The following MECOM variants were observed in gnomAD, a reference collection of about 807,000 sequenced individuals.
MECOM encodes histone-lysine N-methyltransferase MECOM.
MECOM carries 13 observed loss-of-function variants against 116.3 expected under a neutral mutation model. That is an observed-to-expected ratio of 0.11 (90% confidence interval 0.07 to 0.18). MECOM has a LOEUF of 0.18. MECOM is among the 10% of genes least tolerant of loss of function. The pLI is 1.00. For missense variants in MECOM, 1,299 were observed against 1,509.0 expected (o/e 0.86, Z 2.31); for synonymous variants, 528 against 535.2 (o/e 0.99, Z 0.19).
intron 1 of MECOM, among the ~76,000 whole-genome samples, chr3:169,578,666 G>C (rs115045159): frequency 0.015 from 2,224 of 152,210 alleles, 48 homozygotes; most frequent in African/African-American, 0.042. Context: ...ATTATTTATA[G>C]TAATTGCATG....
chr3:169,313,618 G>A (rs557519448), intron 2 of MECOM, among the ~76,000 whole-genome samples: 3 of 152,348 alleles, frequency 2.0e-5, no homozygotes, highest in South Asian at 2.1e-4. Context: ...AGGCTTGGTT[G>A]ATTTGGTGAT....
Position 169,173,503 on chromosome 3 carries a change from A to G in MECOM, c.376-29671T>C, listed in dbSNP as rs143374847. Among the ~76,000 whole-genome samples the G allele has an allele frequency of 9.1e-4, 139 of 152,156 alleles. 1 individual carries two copies. The East Asian group carries it at 0.024, about 26-fold the overall frequency. On this transcript the variant is annotated intron_variant, in intron 2 of 16. Transcript: ENST00000651503. ...GAGGCATCTTAAATTCAGTCTGGCA[A>G]CTCTGAAAACATTTTGTGTTCACTC...
intron 1 of MECOM, among the ~76,000 whole-genome samples, chr3:169,592,306 G>A (rs1417970948): frequency 6.6e-6 from 1 of 152,216 alleles, no homozygotes; most frequent in Non-Finnish European, 1.5e-5. Flanking sequence ...AAAGACGGAT[G>A]TGGCTGCCTC....
intron 2 of MECOM, among the ~76,000 whole-genome samples, chr3:169,214,457 G>GA (rs1157005878): frequency 6.6e-6 from 1 of 151,100 alleles, no homozygotes; most frequent in Non-Finnish European, 1.5e-5. Flanking sequence ...CTCATTCTAG[G>GA]AAACTCCATT....
At chr3:169,401,186 C>G (rs1735833378) in intron 1 of MECOM, among the ~76,000 whole-genome samples, 1 of 152,160 alleles carries the variant, frequency 6.6e-6, no homozygotes, top group Non-Finnish European at 1.5e-5. Context: ...CCAGACAGCA[C>G]GTGATGCTCA....
At chr3:169,342,386 A>G (rs1577783542) in intron 2 of MECOM, among the ~76,000 whole-genome samples, 1 of 152,188 alleles carries the variant, frequency 6.6e-6, no homozygotes, top group East Asian at 1.9e-4. Flanking sequence ...TATTAATAAT[A>G]ATAGTATATC....
intron 1 of MECOM, among the ~76,000 whole-genome samples, chr3:169,599,215 T>G (rs1046529482): frequency 6.6e-6 from 1 of 152,144 alleles, no homozygotes; most frequent in Admixed American, 6.5e-5. Context: ...CAGTTTAAAG[T>G]GTGTCCCCTT....
intron 1 of MECOM, among the ~76,000 whole-genome samples, chr3:169,656,596 G>T (rs1288646619): frequency 1.3e-5 from 2 of 152,060 alleles, no homozygotes; most frequent in African/African-American, 2.4e-5. Flanking sequence ...TTTTAATCAT[G>T]GCTATTATTT....
At chr3:169,344,501 T>C (rs1725042051) in intron 2 of MECOM, among the ~76,000 whole-genome samples, 1 of 152,152 alleles carries the variant, frequency 6.6e-6, no homozygotes, top group African/African-American at 2.4e-5. Context: ...GTGAAAGCCC[T>C]GAGTGTCAAG....
chr3:169,243,678 G>C (rs1755179367), intron 2 of MECOM, among the ~76,000 whole-genome samples: 1 of 152,050 alleles, frequency 6.6e-6, no homozygotes, highest in South Asian at 2.1e-4. Flanking sequence ...GAGCGTTTGA[G>C]TCCCAGACAG....
chr3:169,643,111 T>G (rs768127252), intron 1 of MECOM, among the ~76,000 whole-genome samples: 4 of 152,248 alleles, frequency 2.6e-5, no homozygotes, highest in Non-Finnish European at 5.9e-5. Flanking sequence ...GTGTTTAAAT[T>G]ACCAAATCAT....
chr3:169,244,439 C>T (rs1755307999), intron 2 of MECOM, among the ~76,000 whole-genome samples: 1 of 152,176 alleles, frequency 6.6e-6, no homozygotes, highest in South Asian at 2.1e-4. Flanking sequence ...CCCACTGTGC[C>T]TACCTGTCCC....
At chr3:169,523,136 A>G (rs1465827426) in intron 1 of MECOM, among the ~76,000 whole-genome samples, 1 of 150,182 alleles carries the variant, frequency 6.7e-6, no homozygotes, top group African/African-American at 2.5e-5. Flanking sequence ...GTGATGATGA[A>G]TATATTAAGT....
At chr3:169,480,902 G>C (rs1343901001) in intron 1 of MECOM, among the ~76,000 whole-genome samples, 1 of 151,098 alleles carries the variant, frequency 6.6e-6, no homozygotes, top group East Asian at 1.9e-4. Flanking sequence ...GGGGCGGGGG[G>C]GCTTGTTTGT....
At chr3:169,576,333 G>T (rs570210633) in intron 1 of MECOM, among the ~76,000 whole-genome samples, 2 of 152,068 alleles carry the variant, frequency 1.3e-5, no homozygotes, top group African/African-American at 2.4e-5. Context: ...CATATTTAAC[G>T]CATCAAAAAC....
intron 2 of MECOM, among the ~76,000 whole-genome samples, chr3:169,369,357 T>TTTTTG (rs1729706445): frequency 6.9e-6 from 1 of 145,882 alleles, no homozygotes; most frequent in Non-Finnish European, 1.5e-5. Flanking sequence ...TTTTTTTTTT[T>TTTTTG]TTTTTTTGAG....
chr3:169,145,941 A>G lies in MECOM; in HGVS notation c.376-2109T>C, dbSNP rs13086730. 250 of 217,914 alleles carry G rather than the reference A, an allele frequency of 1.1e-3. 1 individual carries two copies. Among genetic ancestry groups the G allele is most frequent in the Admixed American group, 3.6e-3 (63 of 17,280 alleles). 13.5% of individuals were successfully genotyped at this position (217,914 alleles called of 1,614,324 possible). ...TCTTCCTCTCAATATTCTTGCCCCAAGACAAAAGCTTAGCTTTCTCCAGAA... is the reference window on the plus strand; with the variant it reads ...TCTTCCTCTCAATATTCTTGCCCCAGGACAAAAGCTTAGCTTTCTCCAGAA... On this transcript the variant is annotated intron_variant, in intron 2 of 16. Transcript: ENST00000651503.
chr3:169,182,618 C>A (rs896498093), intron 2 of MECOM, among the ~76,000 whole-genome samples: 2 of 152,180 alleles, frequency 1.3e-5, no homozygotes, highest in African/African-American at 2.4e-5. Context: ...AGCTTATATA[C>A]TTTTCTTAAA....
chr3:169,472,480 A>C (rs1578193812), intron 1 of MECOM, among the ~76,000 whole-genome samples: 1 of 54,268 alleles, frequency 1.8e-5, no homozygotes, highest in Non-Finnish European at 4.1e-5. Flanking sequence ...AAGGAAAGGA[A>C]AGGAAAGGAA....
Sources: allele counts gnomAD v4.1 joint callset (sites outside exome capture counted in the v4.1 genomes callset), GRCh38; gene constraint gnomAD v4.1.1; transcripts MANE v1.5; gene names NCBI Gene and HGNC (gene_info 2026-07-23, HGNC 2026-07-21).